The following DNMT3A variants were observed in gnomAD, a reference collection of about 807,000 sequenced individuals.
DNMT3A encodes DNA (cytosine-5)-methyltransferase 3A.
Under a neutral mutation model 117.6 loss-of-function variants are expected in DNMT3A, and 267 were observed. The ratio of observed to expected loss-of-function variants is 2.27; its 90% CI spans 2.05 to 2.51. The LOEUF (loss-of-function observed/expected upper bound fraction) is 2.51. DNMT3A is among the 30% of genes most tolerant of loss of function. DNMT3A has a pLI of 0.00. For missense variants in DNMT3A, 1,029 were observed against 1,260.2 expected (o/e 0.82, Z 2.78); for synonymous variants, 432 against 474.8 (o/e 0.91, Z 1.17).
At chr2:25,312,007 G>A (rs988118267) in intron 2 of DNMT3A, among the ~76,000 whole-genome samples, 1 of 152,162 alleles carries the variant, frequency 6.6e-6, no homozygotes, top group Admixed American at 6.5e-5. Context: ...AGTAACAGGA[G>A]GAGTTTGTCC....
intron 21 of DNMT3A, 23 bp from the exon 22 acceptor site, chr2:25,235,848 G>A (rs1328887011): frequency 3.8e-6 from 6 of 1,592,112 alleles, no homozygotes; most frequent in Non-Finnish European, 5.2e-6. Context: ...GAGAAAAGAG[G>A]AATAAGCACG....
chr2:25,329,705 AC>A (rs2034941189), intron 1 of DNMT3A, among the ~76,000 whole-genome samples: 1 of 151,356 alleles, frequency 6.6e-6, no homozygotes, highest in Non-Finnish European at 1.5e-5. Context: ...ACACACACAC[AC>A]ACACACAGAC....
At position 25,240,638 on chromosome 2, in the gene DNMT3A, A is replaced by G; in HGVS notation, c.2173+2T>C. The G allele has an allele frequency of 6.2e-7, 1 of 1,614,174 alleles. No homozygotes were observed. Among genetic ancestry groups the G allele is most frequent in the Non-Finnish European group, 8.5e-7 (1 of 1,179,998 alleles). ...AGGTGGAGGGGACAGGATGGTACCT[A>G]CCGTAGAGGCCCTTGCGAGCAGGGT... On this transcript the variant is annotated splice_donor_variant, in intron 18 of 22. Transcript: ENST00000321117. LOFTEE classifies it high-confidence loss of function.
chr2:25,265,736 T>C (rs1461667685), intron 6 of DNMT3A, among the ~76,000 whole-genome samples: 2 of 151,810 alleles, frequency 1.3e-5, no homozygotes, highest in African/African-American at 2.4e-5. Context: ...GGAGAATCGC[T>C]TGAACCCAAG....
At chr2:25,323,714 T>C (rs2034684703) in intron 1 of DNMT3A, among the ~76,000 whole-genome samples, 1 of 152,130 alleles carries the variant, frequency 6.6e-6, no homozygotes, top group African/African-American at 2.4e-5. Context: ...ATCCCTGGAG[T>C]TCCTCTAAGT....
intron 3 of DNMT3A, among the ~76,000 whole-genome samples, chr2:25,289,910 A>T (rs2032616456): frequency 2.6e-5 from 4 of 152,320 alleles, no homozygotes; most frequent in Middle Eastern, 6.8e-3. Flanking sequence ...ACTCCAGGCA[A>T]AGCCTTGCGT....
intron 17 of DNMT3A, among the ~76,000 whole-genome samples, chr2:25,241,168 A>C (rs1285927314): frequency 6.6e-6 from 1 of 152,220 alleles, no homozygotes; most frequent in African/African-American, 2.4e-5. Flanking sequence ...GCTATTTGCC[A>C]AAAGTATTGG....
intron 2 of DNMT3A, among the ~76,000 whole-genome samples, chr2:25,312,011 T>C (rs1210205252): frequency 6.6e-6 from 1 of 151,414 alleles, no homozygotes; most frequent in Middle Eastern, 3.2e-3. Flanking sequence ...ACAGGAGGAG[T>C]TTGTCCCAGC....
Position 25,252,084 on chromosome 2 carries a change from CG to C in DNMT3A, c.640-3833del. 2 of 1,382,718 alleles carry C rather than the reference CG, an allele frequency of 1.4e-6. No homozygotes were observed. The highest frequency in any genetic ancestry group is 2.3e-5 in the Admixed American group (1 of 43,910). The allele number at this position is 1,382,718 out of a possible 1,614,324, so 85.7% of individuals were successfully genotyped here. A position where few individuals can be genotyped will look rare whatever the true frequency, so the allele number is the denominator to read the frequency against. On this transcript the variant is annotated intron_variant, in intron 6 of 22. Transcript: ENST00000321117. The surrounding 1 kb of genome is among the most constrained non-coding windows in gnomAD (Gnocchi z 5.5). ...CCGGGACGCCGCGGCTGCTGCGGGC[CG>C]GGGAGGCATACTTCACTCTTTTCAA...
chr2:25,300,253 C>G lies in DNMT3A; in HGVS notation c.73-10G>C. On this transcript the variant is annotated splice_polypyrimidine_tract_variant and intron_variant, in intron 2 of 22. Coordinates refer to ENST00000321117, the MANE Select transcript of DNMT3A (RefSeq NM_022552.5). Reference sequence around the variant, plus strand: ...CCTGCTCCTCTCCGTCCTGCAGGCACAGACACAGCCTGTGAGGCCAGAGGT... The same window carrying G: ...CCTGCTCCTCTCCGTCCTGCAGGCAGAGACACAGCCTGTGAGGCCAGAGGT... The G allele has an allele frequency of 6.2e-7, 1 of 1,604,042 alleles. No homozygotes were observed. The highest frequency in any genetic ancestry group is 8.5e-7 in the Non-Finnish European group (1 of 1,179,702).
At position 25,286,087 on chromosome 2, in the gene DNMT3A, C is replaced by A. The variant is rs148606319; in HGVS notation, c.178-3376G>T. Among the ~76,000 whole-genome samples, 590 of 152,346 alleles carry A rather than the reference C, an allele frequency of 3.9e-3. 4 individuals are homozygous for A. Among genetic ancestry groups the A allele is most frequent in the African/African-American group, 0.013 (545 of 41,588 alleles). On this transcript the variant is annotated intron_variant, in intron 3 of 22. Coordinates refer to ENST00000321117, the MANE Select transcript of DNMT3A (RefSeq NM_022552.5). This position sits in a 1 kb window ranked among gnomAD's most constrained non-coding sequence, Gnocchi z 4.3. ...AGATTGGGGCAGGCTCTGAGCCCCG[C>A]AAAGCTGCTGGAGGCAACTCCACTG...
At position 25,241,579 on chromosome 2, in the gene DNMT3A, T is replaced by C. The variant is rs1674030413; in HGVS notation, c.2065A>G (p.Ser689Gly). 3.7e-6 allele frequency: 6 copies of C among 1,613,852 alleles called. No homozygotes were observed. The highest frequency in any genetic ancestry group is 1.7e-5 in the Admixed American group (1 of 59,970). ...GGACATACATGCTTCTGTGTGACGC[T>C]GCGGACGTCCCCGACGTACATGATC... ...GKIMYVGDVR[S>G]VTQKHIQEWG... Residue 689 changes from serine to glycine, a missense_variant, in exon 17 of 23, where the codon AGC (serine) becomes GGC (glycine). Transcript: ENST00000321117.
At chr2:25,326,639 CATTGTAT>C (rs2034798831) in intron 1 of DNMT3A, among the ~76,000 whole-genome samples, 1 of 152,158 alleles carries the variant, frequency 6.6e-6, no homozygotes, top group African/African-American at 2.4e-5. Flanking sequence ...TGGGTTCCTG[CATTGTAT>C]ACAACTTCTC....
rs1184418248 is a variant in DNMT3A at position 25,257,449 on chromosome 2, A to C, written c.640-9197T>G. 6.6e-6 allele frequency among the ~76,000 whole-genome samples: 1 copy of C among 152,096 alleles called. No individual in the cohort carries two copies. Among genetic ancestry groups the C allele is most frequent in the African/African-American group, 2.4e-5 (1 of 41,404 alleles). On this transcript the variant is annotated intron_variant, in intron 6 of 22. Coordinates refer to ENST00000321117, the MANE Select transcript of DNMT3A (RefSeq NM_022552.5). This position sits in a 1 kb window ranked among gnomAD's most constrained non-coding sequence, Gnocchi z 4.8. ...TCTGCTTGGAGCTTGTTGTTATGGC[A>C]ACATCCCCCCTTCCTGTCATTCTCT...
At position 25,247,662 on chromosome 2, in the gene DNMT3A, TC is replaced by T; in HGVS notation, c.942del (p.Trp314Ter). On this transcript the variant is annotated frameshift_variant, in exon 8 of 23. Transcript: ENST00000321117. LOFTEE classifies it high-confidence loss of function. This position sits in a 1 kb window ranked among gnomAD's most constrained non-coding sequence, Gnocchi z 5.6. ...SWWPGRIVSW[W>X]MTGRSRAAEG... ...TCAGCTGCTCGGCTCCGGCCCGTCA[TC>T]CACCAAGACACAATGCGGCCTGGCC... 6.2e-7 allele frequency: 1 copy of T among 1,613,820 alleles called. No homozygotes were observed. The highest frequency in any genetic ancestry group is 8.5e-7 in the Non-Finnish European group (1 of 1,179,984).
chr2:25,269,767 T>C (rs928796759), intron 6 of DNMT3A, among the ~76,000 whole-genome samples: 8 of 152,176 alleles, frequency 5.3e-5, no homozygotes, highest in Non-Finnish European at 1.5e-5. Flanking sequence ...ACAACTTCCT[T>C]CCCAGCTCCA....
chr2:25,340,114 G>GCGGCCCTGGGGCT (rs1397146350), intron 1 of DNMT3A, among the ~76,000 whole-genome samples: 1 of 152,198 alleles, frequency 6.6e-6, no homozygotes, highest in Non-Finnish European at 1.5e-5. Flanking sequence ...GGGTAGCTGC[G>GCGGCCCTGGGGCT]CGGCCCTGGG....
intron 4 of DNMT3A, among the ~76,000 whole-genome samples, chr2:25,277,170 G>A (rs1349277978): frequency 2.6e-5 from 4 of 152,146 alleles, no homozygotes; most frequent in African/African-American, 7.2e-5. Context: ...GTGGGCGGGC[G>A]CGCACTCGCC....
In DNMT3A at chr2:25,294,124, C is replaced by T. The variant is rs1219211264; in HGVS notation, c.177+6015G>A. Among the ~76,000 whole-genome samples, 1 of 152,214 alleles carries T rather than the reference C, an allele frequency of 6.6e-6. No individual in the cohort carries two copies. The highest frequency in any genetic ancestry group is 2.4e-5 in the African/African-American group (1 of 41,446). ...CAGCTGGGGTCGGGGGTGCCTCTCA[C>T]TTTCCCCTTGACTTCTCCAAATGTC... On this transcript the variant is annotated intron_variant, in intron 3 of 22. Transcript: ENST00000321117. This position sits in a 1 kb window ranked among gnomAD's most constrained non-coding sequence, Gnocchi z 4.7.
Sources: allele counts gnomAD v4.1 joint callset (sites outside exome capture counted in the v4.1 genomes callset), GRCh38; gene constraint gnomAD v4.1.1; non-coding constraint Gnocchi (gnomAD v3.1); transcripts MANE v1.5; gene names NCBI Gene and HGNC (gene_info 2026-07-23, HGNC 2026-07-21).